The following GFPT1 variants were observed in gnomAD, a reference collection of about 807,000 sequenced individuals.
GFPT1 encodes the protein glutamine--fructose-6-phosphate transaminase 1, also known as glutamine--fructose-6-phosphate aminotransferase [isomerizing] 1.
In GFPT1, 40 loss-of-function variants were observed where a neutral mutation model predicts 92.0. That is an observed-to-expected ratio of 0.43 (90% CI 0.34 to 0.57). GFPT1 has a LOEUF of 0.57. Ranked by LOEUF, GFPT1 falls within the 20% of genes least tolerant of loss-of-function variation. GFPT1 has a pLI of 0.02. For missense variants in GFPT1, 448 were observed against 869.1 expected (o/e 0.52, Z 6.09); for synonymous variants, 269 against 280.6 (o/e 0.96, Z 0.41).
intron 1 of GFPT1, among the ~76,000 whole-genome samples, chr2:69,381,756 G>A (rs796537393): frequency 3.6e-4 from 54 of 149,888 alleles, no homozygotes; most frequent in African/African-American, 1.3e-3. Flanking sequence ...ATCTCACTAT[G>A]TTGCCCGGGC....
intron 1 of GFPT1, among the ~76,000 whole-genome samples, chr2:69,382,265 T>C (rs540671660): frequency 1.7e-4 from 26 of 152,206 alleles, no homozygotes; most frequent in Non-Finnish European, 3.5e-4. Flanking sequence ...TGGGTTAAAT[T>C]TTTATTATTC....
At chr2:69,351,990 A>T (rs1296685624) in intron 9 of GFPT1, among the ~76,000 whole-genome samples, 1 of 152,208 alleles carries the variant, frequency 6.6e-6, no homozygotes, top group Non-Finnish European at 1.5e-5. Flanking sequence ...GACCAGGCAC[A>T]GTGGCTCATG....
chr2:69,327,125 A>T, intron 18 of GFPT1, 50 bp from the exon 19 acceptor site: 1 of 1,571,832 alleles, frequency 6.4e-7, no homozygotes, highest in Non-Finnish European at 8.7e-7. Flanking sequence ...GGGCAAAGGC[A>T]GGGCTATAGC....
chr2:69,345,166 G>C (rs997610093), intron 12 of GFPT1, among the ~76,000 whole-genome samples: 1 of 152,110 alleles, frequency 6.6e-6, no homozygotes, highest in Non-Finnish European at 1.5e-5. Context: ...TGAGGCAGGA[G>C]AATCACTTGA....
rs527775893 is a variant in GFPT1 at position 69,360,963 on chromosome 2, A to G, written c.350-1637T>C. Among the ~76,000 whole-genome samples, 444 of 151,912 alleles carry G rather than the reference A, an allele frequency of 2.9e-3. 3 individuals are homozygous for G. Among genetic ancestry groups the G allele is most frequent in the African/African-American group, 8.4e-3 (349 of 41,440 alleles). On this transcript the variant is annotated intron_variant, in intron 4 of 19. Coordinates refer to ENST00000357308, the MANE Select transcript of GFPT1 (RefSeq NM_001244710.2). ...TTGGTCAGGCTGGTCTCCAACTCCT[A>G]ATTTCAGGTGATCCACCTGCCTTGG...
At chr2:69,365,414 G>A (rs1201974323) in intron 3 of GFPT1, among the ~76,000 whole-genome samples, 1 of 152,232 alleles carries the variant, frequency 6.6e-6, no homozygotes, top group Non-Finnish European at 1.5e-5. Context: ...GGAAGCTGCA[G>A]TGAGCTGAGA....
chr2:69,327,591 T>C, intron 18 of GFPT1, among the ~76,000 whole-genome samples: 1 of 152,124 alleles, frequency 6.6e-6, no homozygotes. Flanking sequence ...CCTGCCTCAG[T>C]CCCCAGAGTA....
chr2:69,358,511 T>TA (rs753995792), intron 5 of GFPT1, 48 bp from the exon 6 acceptor site: 21 of 1,293,280 alleles, frequency 1.6e-5, no homozygotes, highest in South Asian at 1.3e-4. Flanking sequence ...ATATTAATGA[T>TA]AAAAAAACCT....
At chr2:69,352,608 G>A (rs988198793) in intron 9 of GFPT1, among the ~76,000 whole-genome samples, 4 of 60,260 alleles carry the variant, frequency 6.6e-5, no homozygotes, top group South Asian at 1.4e-3. Flanking sequence ...GCGAGACTTC[G>A]TCTCAAAAAA....
At chr2:69,386,934 G>A in intron 1 of GFPT1, 131 bp downstream of exon 1, 3 of 758,828 alleles carry the variant, frequency 4.0e-6, no homozygotes, top group Admixed American at 2.1e-5. Flanking sequence ...ACCACTGGGC[G>A]CCCCTTGCCC....
chr2:69,338,173 A>G (rs1375395007), intron 14 of GFPT1, 118 bp from the exon 15 acceptor site: 22 of 942,132 alleles, frequency 2.3e-5, no homozygotes, highest in Non-Finnish European at 3.6e-5. Flanking sequence ...AATAAAATAC[A>G]AAACATCCAC....
Position 69,335,631 on chromosome 2 carries a change from C to T in GFPT1, c.1482+2267G>A, listed in dbSNP as rs193247465. On this transcript the variant is annotated intron_variant, in intron 15 of 19. Coordinates refer to ENST00000357308, the MANE Select transcript of GFPT1 (RefSeq NM_001244710.2). ...ATTTATTCAGCCACAGGATGGAAACCCAAGCACAAACATGTAACACGTTTT... is the reference window on the plus strand; with the variant it reads ...ATTTATTCAGCCACAGGATGGAAACTCAAGCACAAACATGTAACACGTTTT... Among the ~76,000 whole-genome samples the T allele has an allele frequency of 8.3e-3, 1,259 of 152,172 alleles. 10 individuals are homozygous for T. The highest frequency in any genetic ancestry group is 0.012 in the Non-Finnish European group (834 of 68,010).
In GFPT1 at chr2:69,338,562, G is replaced by C; in HGVS notation, c.1207C>G (p.Arg403Gly). 1 of 1,613,802 alleles carries C rather than the reference G, an allele frequency of 6.2e-7. No homozygotes were observed. Among genetic ancestry groups the C allele is most frequent in the African/African-American group, 1.3e-5 (1 of 75,032 alleles). Reference sequence around the variant, plus strand: ...TCAGTCAGCTCCTCAAGAACTTGACGTGTCTGCAGAGAAAATATGACTTGG... The same window carrying C: ...TCAGTCAGCTCCTCAAGAACTTGACCTGTCTGCAGAGAAAATATGACTTGG... ...GTSYHAGVAT[R>G]QVLEELTELP... The change falls in exon 14 of 20, where the codon CGT (arginine) becomes GGT (glycine). Residue 403 changes from arginine (R) to glycine (G), a missense_variant. This residue lies in a region of GFPT1 where 121 missense variants were observed against 304.3 expected (regional missense o/e 0.40). Coordinates refer to ENST00000357308, the MANE Select transcript of GFPT1 (RefSeq NM_001244710.2).
In GFPT1 at chr2:69,328,224, ACTCCCCTCTTTG is replaced by A. The variant is rs764761559; in HGVS notation, c.1893+35_1893+46del. On this transcript the variant is annotated intron_variant, in intron 18 of 19. Transcript: ENST00000357308. ...TAAGTCATTCAAATAAGCTAGCGTA[ACTCCCCTCTTTG>A]ATCCCCAAGGTGTTCTCACAGTCCC... The A allele has an allele frequency of 3.5e-6, 5 of 1,430,560 alleles. No homozygotes were observed. The South Asian group carries it at 5.7e-5, about 16-fold the overall frequency. The allele number at this position is 1,430,560 out of a possible 1,614,324, so 88.6% of individuals were successfully genotyped here.
intron 2 of GFPT1, among the ~76,000 whole-genome samples, chr2:69,373,486 G>A (rs1050265940): frequency 6.6e-6 from 1 of 152,104 alleles, no homozygotes; most frequent in Non-Finnish European, 1.5e-5. Flanking sequence ...TGGGCATGGT[G>A]GCACACAGCT....
chr2:69,352,322 A>G (rs1429585325), intron 9 of GFPT1, among the ~76,000 whole-genome samples: 1 of 151,352 alleles, frequency 6.6e-6, no homozygotes, highest in Non-Finnish European at 1.5e-5. Flanking sequence ...GCATTTTAAA[A>G]AAATAAATGC....
In GFPT1 at chr2:69,376,340, G is replaced by A. The variant is rs116204549; in HGVS notation, c.8-2227C>T. 7.0e-3 allele frequency among the ~76,000 whole-genome samples: 1,064 copies of A among 152,198 alleles called. 14 individuals carry two copies. The highest frequency in any genetic ancestry group is 0.025 in the African/African-American group (1,022 of 41,534). On this transcript the variant is annotated intron_variant, in intron 1 of 19. Coordinates refer to ENST00000357308, the MANE Select transcript of GFPT1 (RefSeq NM_001244710.2). ...CCTGGCCAACATGGCGAAACCCATA[G>A]TTACTACTAAAAATACAAAAATTGG...
intron 9 of GFPT1, among the ~76,000 whole-genome samples, chr2:69,353,802 A>C (rs1020715834): frequency 2.0e-5 from 3 of 152,210 alleles, no homozygotes; most frequent in African/African-American, 7.2e-5. Context: ...CTACAAATTC[A>C]AATAAAGCCA....
Position 69,358,353 on chromosome 2 carries a change from C to A in GFPT1, c.519G>T (p.Leu173Phe). 6.2e-7 allele frequency: 1 copy of A among 1,612,346 alleles called. No homozygotes were observed. The highest frequency in any genetic ancestry group is 8.5e-7 in the Non-Finnish European group (1 of 1,178,612). Residue 173 changes from leucine (L) to phenylalanine (F), a missense_variant, in exon 6 of 20, where the codon TTG (leucine) becomes TTT (phenylalanine). By Grantham distance (22) the Leu-to-Phe change is conservative. Coordinates refer to ENST00000357308, the MANE Select transcript of GFPT1 (RefSeq NM_001244710.2). The part of the protein sequence containing the change: ...RESQDTSFTT[L>F]VERVIQQLEG... ...CCAATTGTTGGATAACTCTCTCCACCAAGGTAGTAAAGCTGGTATCTTGAC... is the reference window on the plus strand; with the variant it reads ...CCAATTGTTGGATAACTCTCTCCACAAAGGTAGTAAAGCTGGTATCTTGAC...
Sources: gnomAD v4.1 joint callset for allele counts (sites outside exome capture counted in the v4.1 genomes callset) on GRCh38, gnomAD v4.1.1 for gene constraint, gnomAD v4.1.1 regional missense constraint, MANE v1.5 for transcripts, NCBI Gene and HGNC (gene_info 2026-07-23, HGNC 2026-07-21) for gene names.